Variants in MTSS1 observed in about 807,000 individuals in gnomAD.
MTSS1 encodes the protein protein MTSS 1.
Under a neutral mutation model 79.0 loss-of-function variants are expected in MTSS1, and 18 were observed. The observed-to-expected ratio is 0.23, with a 90% confidence interval of 0.16 to 0.34. MTSS1 has a LOEUF of 0.34. Among genes scored for constraint, MTSS1 ranks in the 10% least tolerant of loss-of-function variants. MTSS1 has a pLI of 1.00. For synonymous variants in MTSS1, 341 were observed against 368.6 expected, an observed-to-expected ratio of 0.93 and a Z score of 0.86; for missense variants, 815 against 986.2, an observed-to-expected ratio of 0.83 and a Z score of 2.33.
intron 3 of MTSS1, among the ~76,000 whole-genome samples, chr8:124,655,480 C>A (rs2134252837): frequency 6.6e-6 from 1 of 152,300 alleles, no homozygotes; most frequent in East Asian, 1.9e-4. Flanking sequence ...CAGTGGCCTC[C>A]ACACAGGTGA....
At chr8:124,627,184 G>T (rs1587401694) in intron 3 of MTSS1, among the ~76,000 whole-genome samples, 1 of 152,076 alleles carries the variant, frequency 6.6e-6, no homozygotes, top group East Asian at 1.9e-4. Flanking sequence ...TGACCCTGGT[G>T]TCCCCACGGC....
chr8:124,629,286 G>A (rs1007128784), intron 3 of MTSS1, among the ~76,000 whole-genome samples: 4 of 151,748 alleles, frequency 2.6e-5, no homozygotes, highest in South Asian at 2.1e-4. Context: ...AGGCTGAGGC[G>A]GGCGGATCAC....
chr8:124,717,707 A>C lies in MTSS1; in HGVS notation c.72+10177T>G, dbSNP rs570526556. Among the ~76,000 whole-genome samples the C allele has an allele frequency of 7.2e-4, 110 of 152,314 alleles. 1 individual carries two copies. Among genetic ancestry groups the C allele is most frequent in the Non-Finnish European group, 8.8e-4 (60 of 68,032 alleles). On this transcript the variant is annotated intron_variant, in intron 1 of 13. Transcript: ENST00000518547. ...CAAGACTCCATCTCAAAAAATATAT[A>C]TATAAATAAAAATTAAAAAGAAAAA...
At chr8:124,554,218 C>G (rs557420411) in intron 13 of MTSS1, among the ~76,000 whole-genome samples, 8 of 152,230 alleles carry the variant, frequency 5.3e-5, no homozygotes, top group African/African-American at 1.9e-4. Context: ...CCTTGTAAGA[C>G]CAATCTCAGG....
Position 124,683,046 on chromosome 8 carries a change from G to A in MTSS1, c.208+16480C>T, listed in dbSNP as rs1826382779. ...TTCAGACCATCTTGGTTCCTCTCCT[G>A]ATGTTTCCTAAAGTAGTGAAATGAC... On this transcript the variant is annotated intron_variant, in intron 3 of 13. Coordinates refer to ENST00000518547, the MANE Select transcript of MTSS1 (RefSeq NM_014751.6). The surrounding 1 kb of genome is among the most constrained non-coding windows in gnomAD (Gnocchi z 4.5). 6.6e-6 allele frequency among the ~76,000 whole-genome samples: 1 copy of A among 152,002 alleles called. No homozygotes were observed. The highest frequency in any genetic ancestry group is 6.5e-5 in the Admixed American group (1 of 15,268).
intron 13 of MTSS1, among the ~76,000 whole-genome samples, chr8:124,555,162 C>T (rs781012989): frequency 5.9e-5 from 9 of 152,218 alleles, no homozygotes; most frequent in Non-Finnish European, 8.8e-5. Context: ...ATTCTTATTA[C>T]AGCACATGTC....
Position 124,552,947 on chromosome 8 carries a change from T to C in MTSS1, c.*45A>G, listed in dbSNP as rs377477063. On this transcript the variant is annotated 3_prime_UTR_variant, in exon 14 of 14. Coordinates refer to ENST00000518547, the MANE Select transcript of MTSS1 (RefSeq NM_014751.6). ...GAATGGATCAAGACAAATTAGGTTTTATTAATGAAACAGTTCATTCCCCAC... is the reference window on the plus strand; with the variant it reads ...GAATGGATCAAGACAAATTAGGTTTCATTAATGAAACAGTTCATTCCCCAC... The C allele has an allele frequency of 2.6e-6, 4 of 1,568,228 alleles. No individual in the cohort carries two copies. In the African/African-American group the frequency reaches 5.5e-5, roughly 21 times the overall value.
At position 124,699,606 on chromosome 8, in the gene MTSS1, T is replaced by G; in HGVS notation, c.135-7A>C. 6.2e-7 allele frequency: 1 copy of G among 1,613,796 alleles called. No homozygotes were observed. The highest frequency in any genetic ancestry group is 8.5e-7 in the Non-Finnish European group (1 of 1,179,766). Reference sequence around the variant, plus strand: ...TGCTGCTACTACTGTTGTCCTAAAATGCAAACAGATAACAAAAGCATAAGG... The same window carrying G: ...TGCTGCTACTACTGTTGTCCTAAAAGGCAAACAGATAACAAAAGCATAAGG... On this transcript the variant is annotated splice_polypyrimidine_tract_variant and splice_region_variant and intron_variant, in intron 2 of 13. Transcript: ENST00000518547.
chr8:124,550,940 C>T lies in MTSS1; in HGVS notation c.*2052G>A, dbSNP rs1446526732. On this transcript the variant is annotated 3_prime_UTR_variant, in exon 14 of 14. Coordinates refer to ENST00000518547, the MANE Select transcript of MTSS1 (RefSeq NM_014751.6). ...TCAGTACAAACTAGCAACTAAAGCA[C>T]AATAATTTACTGTTAGAAACGATTT... 6.6e-6 allele frequency: 1 copy of T among 152,622 alleles called. No homozygotes were observed. The highest frequency in any genetic ancestry group is 1.9e-4 in the East Asian group (1 of 5,204). The allele number at this position is 152,622 out of a possible 1,614,324, so 9.5% of individuals were successfully genotyped here.
At chr8:124,688,248 CGT>C (rs918955643) in intron 3 of MTSS1, among the ~76,000 whole-genome samples, 76 of 150,126 alleles carry the variant, frequency 5.1e-4, no homozygotes, top group African/African-American at 1.4e-3. Flanking sequence ...GTATGTTGTG[CGT>C]GTGTGTGTGC....
rs574042484 is a variant in MTSS1, at chr8:124,610,767, T to C, written c.209-19532A>G. ...GAGGTACAAGAAGGGAGGGAGTAAT[T>C]ACCTGAAGAACCTTCCCCTTTCCAA... On this transcript the variant is annotated intron_variant, in intron 3 of 13. Coordinates refer to ENST00000518547, the MANE Select transcript of MTSS1 (RefSeq NM_014751.6). Among the ~76,000 whole-genome samples, 40 of 152,280 alleles carry C rather than the reference T, an allele frequency of 2.6e-4. 2 individuals are homozygous for C. The South Asian group carries it at 7.7e-3, about 29-fold the overall frequency.
intron 3 of MTSS1, among the ~76,000 whole-genome samples, chr8:124,599,614 G>A (rs1023694): frequency 0.035 from 5,268 of 151,894 alleles, 250 homozygotes; most frequent in East Asian, 0.2. Flanking sequence ...TGTGAGTGTA[G>A]GCTCGCCTGT....
rs566671603 is a variant in MTSS1, at chr8:124,722,373, G to C, written c.72+5511C>G. Among the ~76,000 whole-genome samples the C allele has an allele frequency of 3.3e-5, 5 of 152,322 alleles. No homozygotes were observed. In the East Asian group the frequency reaches 9.6e-4, roughly 29 times the overall value. ...ACAAATCGGGAAGCAGGCGAGATGAGAGAGCCCCAAGCCTAGGACTTCCAG... is the reference window on the plus strand; with the variant it reads ...ACAAATCGGGAAGCAGGCGAGATGACAGAGCCCCAAGCCTAGGACTTCCAG... On this transcript the variant is annotated intron_variant, in intron 1 of 13. Transcript: ENST00000518547.
intron 3 of MTSS1, among the ~76,000 whole-genome samples, chr8:124,691,779 G>A (rs527919837): frequency 1.1e-4 from 17 of 152,032 alleles, no homozygotes; most frequent in Middle Eastern, 3.2e-3. Context: ...GCCTCCCAAA[G>A]CACTGGGATT....
Position 124,727,771 on chromosome 8 carries a change from C to A in MTSS1, c.72+113G>T, listed in dbSNP as rs1833950323. The A allele has an allele frequency of 2.2e-6, 2 of 917,416 alleles. No individual in the cohort carries two copies. The highest frequency in any genetic ancestry group is 1.8e-5 in the South Asian group (1 of 55,870). 56.8% of individuals were successfully genotyped at this position (917,416 alleles called of 1,614,324 possible). A position where few individuals can be genotyped will look rare whatever the true frequency, so the allele number is the denominator to read the frequency against. Reference sequence around the variant, plus strand: ...CCGGCCGGGAGCTCCCGCAGGTGGCCGGTGGCCACACTGCAGGGAAGGGCC... The same window carrying A: ...CCGGCCGGGAGCTCCCGCAGGTGGCAGGTGGCCACACTGCAGGGAAGGGCC... On this transcript the variant is annotated intron_variant, in intron 1 of 13. Coordinates refer to ENST00000518547, the MANE Select transcript of MTSS1 (RefSeq NM_014751.6). The surrounding 1 kb of genome is among the most constrained non-coding windows in gnomAD (Gnocchi z 4.7).
chr8:124,615,273 T>C (rs1163173734), intron 3 of MTSS1, among the ~76,000 whole-genome samples: 3 of 151,556 alleles, frequency 2.0e-5, no homozygotes, highest in Non-Finnish European at 4.4e-5. Flanking sequence ...CCAAGGCAAA[T>C]GGAGAGCGGT....
At chr8:124,566,537 A>G (rs542843253) in intron 8 of MTSS1, among the ~76,000 whole-genome samples, 1 of 152,338 alleles carries the variant, frequency 6.6e-6, no homozygotes, top group African/African-American at 2.4e-5. Flanking sequence ...GTGTGATGTG[A>G]ATTAAATGAA....
intron 2 of MTSS1, among the ~76,000 whole-genome samples, 173 bp downstream of exon 2, chr8:124,703,957 G>A (rs1024586573): frequency 1.3e-5 from 2 of 152,164 alleles, no homozygotes; most frequent in African/African-American, 4.8e-5. Flanking sequence ...ATGGCAATCA[G>A]GGCCCAGGAT....
chr8:124,606,186 T>G (rs1435994235), intron 3 of MTSS1, among the ~76,000 whole-genome samples: 3 of 149,488 alleles, frequency 2.0e-5, no homozygotes, highest in Non-Finnish European at 4.5e-5. Context: ...TTTTTTTTTT[T>G]TTTGAGATAG....
Sources: allele counts gnomAD v4.1 joint callset (sites outside exome capture counted in the v4.1 genomes callset), GRCh38; gene constraint gnomAD v4.1.1; non-coding constraint Gnocchi (gnomAD v3.1); transcripts MANE v1.5; gene names NCBI Gene and HGNC (gene_info 2026-07-23, HGNC 2026-07-21).